The following CDH23 variants were observed in gnomAD, a reference collection of about 807,000 sequenced individuals.
The protein encoded by CDH23 is cadherin related 23, also known as cadherin-23.
A neutral mutation model predicts 317.1 loss-of-function variants in CDH23; 189 were observed. The observed-to-expected ratio is 0.60, with a 90% CI of 0.53 to 0.67. CDH23 has a LOEUF of 0.67. Ranked by LOEUF, CDH23 falls within the 30% of genes least tolerant of loss-of-function variation. CDH23 has a pLI of 0.00. For synonymous variants in CDH23, 1,839 were observed against 1,876.8 expected (o/e 0.98, Z 0.52); for missense variants, 4,401 against 4,592.4 (o/e 0.96, Z 1.20).
chr10:71,406,553 C>G (rs2131907072), intron 1 of CDH23, among the ~76,000 whole-genome samples: 1 of 152,320 alleles, frequency 6.6e-6, no homozygotes, highest in Middle Eastern at 3.4e-3. Flanking sequence ...ACATACTTAC[C>G]TCGGCTAATG....
chr10:71,526,397 C>A (rs911268042), intron 6 of CDH23, among the ~76,000 whole-genome samples: 2 of 152,226 alleles, frequency 1.3e-5, no homozygotes, highest in African/African-American at 4.8e-5. Context: ...GGACTTCCCC[C>A]GTTTCTGAGT....
intron 38 of CDH23, among the ~76,000 whole-genome samples, chr10:71,777,048 G>A (rs905938138): frequency 6.6e-6 from 1 of 152,284 alleles, no homozygotes; most frequent in Non-Finnish European, 1.5e-5. Flanking sequence ...CCGATCACAG[G>A]AGAGTATGTT....
intron 22 of CDH23, 111 bp from the exon 23 acceptor site, chr10:71,701,911 C>T: frequency 8.6e-7 from 1 of 1,157,380 alleles, no homozygotes; most frequent in Non-Finnish European, 1.2e-6. Flanking sequence ...TGGGCCAGAG[C>T]CAGGATGTCC....
chr10:71,708,293 C>T (rs530702181), intron 26 of CDH23, among the ~76,000 whole-genome samples: 211 of 152,292 alleles, frequency 1.4e-3, no homozygotes, highest in African/African-American at 4.9e-3. Flanking sequence ...CTCCCGCTGA[C>T]CTGCCCAGAG....
chr10:71,608,826 G>T (rs1860684190), intron 9 of CDH23, among the ~76,000 whole-genome samples: 2 of 152,222 alleles, frequency 1.3e-5, no homozygotes, highest in Non-Finnish European at 2.9e-5. Context: ...CCTATAGCAG[G>T]TGATACTGGA....
chr10:71,797,894 G>A (rs1841445443), intron 49 of CDH23, among the ~76,000 whole-genome samples: 2 of 152,158 alleles, frequency 1.3e-5, no homozygotes, highest in South Asian at 2.1e-4. Context: ...GCTGCTATAG[G>A]GGAAGCCAGG....
chr10:71,715,121 C>G (rs1333235499), intron 28 of CDH23: 1 of 152,324 alleles, frequency 6.6e-6, no homozygotes, highest in Non-Finnish European at 1.5e-5. Context: ...TGTGGAGCTG[C>G]TGTGAGCTGT....
chr10:71,735,131 C>T (rs188878983), intron 34 of CDH23, among the ~76,000 whole-genome samples: 133 of 152,348 alleles, frequency 8.7e-4, no homozygotes, highest in African/African-American at 3.2e-3. Flanking sequence ...GATGTGACTG[C>T]AGTGGGGCTC....
chr10:71,483,325 T>C (rs1400068204), intron 3 of CDH23, among the ~76,000 whole-genome samples: 3 of 152,188 alleles, frequency 2.0e-5, no homozygotes, highest in East Asian at 3.8e-4. Flanking sequence ...GTTGAACTTT[T>C]TGGGGAGCAG....
intron 9 of CDH23, among the ~76,000 whole-genome samples, chr10:71,602,688 G>A (rs566994616): frequency 2.1e-4 from 32 of 152,154 alleles, no homozygotes; most frequent in Non-Finnish European, 4.6e-4. Context: ...CCTGCTTAAC[G>A]TCATCCAGTC....
intron 30 of CDH23, among the ~76,000 whole-genome samples, chr10:71,729,823 C>T (rs562708296): frequency 2.3e-4 from 35 of 151,822 alleles, no homozygotes; most frequent in African/African-American, 7.7e-4. Context: ...GGAGTGTGAA[C>T]TATTTTATTA....
chr10:71,565,458 G>A (rs1342764621), intron 6 of CDH23, among the ~76,000 whole-genome samples: 1 of 152,152 alleles, frequency 6.6e-6, no homozygotes, highest in African/African-American at 2.4e-5. Flanking sequence ...CTGGAAGCCA[G>A]CCAGCAAGAG....
intron 3 of CDH23, among the ~76,000 whole-genome samples, chr10:71,483,226 C>A (rs1256443996): frequency 6.6e-6 from 1 of 152,204 alleles, no homozygotes; most frequent in Non-Finnish European, 1.5e-5. Context: ...ACTGTGCATT[C>A]ACTCTCACCC....
chr10:71,643,966 A>G, intron 12 of CDH23, 100 bp downstream of exon 12: 1 of 732,446 alleles, frequency 1.4e-6, no homozygotes, highest in Non-Finnish European at 2.5e-6. Context: ...GCCCTCCCCC[A>G]CCCTCTCAGG....
At chr10:71,587,033 A>T (rs1226152215) in intron 9 of CDH23, among the ~76,000 whole-genome samples, 1 of 152,214 alleles carries the variant, frequency 6.6e-6, no homozygotes, top group Non-Finnish European at 1.5e-5. Context: ...TGTGTGCAAG[A>T]GTTTGCCTTC....
chr10:71,692,515 AG>A lies in CDH23; in HGVS notation c.2177-1631del, dbSNP rs1865224209. On this transcript the variant is annotated intron_variant, in intron 20 of 69. Transcript: ENST00000224721. The stretch of plus-strand genomic sequence containing the variant: ...CAAGTTCACGTTTAAAACTTTTTAG[AG>A]ATTAATTTCTTCCTCGCCCTGCCAA... 3.3e-5 allele frequency among the ~76,000 whole-genome samples: 5 copies of A among 152,302 alleles called. No individual in the cohort carries two copies. In the South Asian group the frequency reaches 1.0e-3, roughly 32 times the overall value.
In CDH23 at chr10:71,789,043, GT is replaced by G; in HGVS notation, c.5923+2del. On this transcript the variant is annotated splice_donor_variant, in intron 45 of 69. Coordinates refer to ENST00000224721, the MANE Select transcript of CDH23 (RefSeq NM_022124.6). LOFTEE classifies it high-confidence loss of function. ...GAGGTGATGGAAAACTCTCCCGCTG[GT>G]AGGTGCTGGGCCCACCCGGGAGCTC... 1.3e-6 allele frequency: 2 copies of G among 1,498,176 alleles called. No homozygotes were observed. Among genetic ancestry groups the G allele is most frequent in the African/African-American group, 1.4e-5 (1 of 72,710 alleles). 92.8% of individuals were successfully genotyped at this position (1,498,176 alleles called of 1,614,324 possible).
intron 57 of CDH23, 127 bp from the exon 58 acceptor site, chr10:71,807,150 A>G (rs1841755930): frequency 8.5e-7 from 1 of 1,183,286 alleles, no homozygotes; most frequent in Non-Finnish European, 1.2e-6. Context: ...GGTTCTACTC[A>G]CCCCATAAGG....
chr10:71,686,419 C>A (rs927343093), intron 18 of CDH23, among the ~76,000 whole-genome samples: 1 of 152,010 alleles, frequency 6.6e-6, no homozygotes, highest in Admixed American at 6.5e-5. Context: ...CCATCCAGAG[C>A]CAAGGGGCAG....
Sources: allele counts gnomAD v4.1 joint callset (sites outside exome capture counted in the v4.1 genomes callset), GRCh38; gene constraint gnomAD v4.1.1; transcripts MANE v1.5; gene names NCBI Gene and HGNC (gene_info 2026-07-23, HGNC 2026-07-21).